Variants in TRAF3IP1 observed in about 807,000 individuals in gnomAD.
TRAF3IP1 encodes intraflagellar transport 54.
In TRAF3IP1, 53 loss-of-function variants were observed where a neutral mutation model predicts 89.9. The ratio of observed to expected loss-of-function variants is 0.59; its 90% CI spans 0.47 to 0.74. TRAF3IP1 has a LOEUF of 0.74. Among genes scored for constraint, TRAF3IP1 ranks in the 30% least tolerant of loss-of-function variants. TRAF3IP1 has a pLI of 0.00. For synonymous variants in TRAF3IP1, 311 were observed against 322.1 expected (o/e 0.97, Z 0.37); for missense variants, 806 against 866.1 (o/e 0.93, Z 0.87).
At chr2:238,331,736 C>T (rs1414826719) in intron 5 of TRAF3IP1, among the ~76,000 whole-genome samples, 1 of 152,150 alleles carries the variant, frequency 6.6e-6, no homozygotes, top group Non-Finnish European at 1.5e-5. Context: ...TGCGTCCTTT[C>T]CTCTGGTAAA....
At chr2:238,344,453 T>C (rs1325883073) in intron 8 of TRAF3IP1, 44 bp from the exon 9 acceptor site, 2 of 1,491,308 alleles carry the variant, frequency 1.3e-6, no homozygotes, top group South Asian at 2.3e-5. Context: ...ACCGGCCCTT[T>C]GGTGTACAGT....
chr2:238,322,632 G>A (rs1697607087), intron 1 of TRAF3IP1, among the ~76,000 whole-genome samples: 1 of 141,806 alleles, frequency 7.1e-6, no homozygotes, highest in African/African-American at 2.6e-5. Context: ...AGGATGCAGT[G>A]AGCTGTGATT....
intron 15 of TRAF3IP1, among the ~76,000 whole-genome samples, chr2:238,380,745 T>C (rs75030985): frequency 1.8e-3 from 267 of 152,340 alleles, no homozygotes; most frequent in African/African-American, 6.2e-3. Context: ...CACACCTTTT[T>C]GTCTTTGAAC....
chr2:238,358,478 G>A (rs2106334411), intron 15 of TRAF3IP1, among the ~76,000 whole-genome samples: 1 of 152,324 alleles, frequency 6.6e-6, no homozygotes, highest in South Asian at 2.1e-4. Context: ...AGAGGTTGCA[G>A]TGAGCTGTGA....
chr2:238,387,027 A>T (rs927182570), intron 15 of TRAF3IP1, among the ~76,000 whole-genome samples: 1 of 152,250 alleles, frequency 6.6e-6, no homozygotes, highest in African/African-American at 2.4e-5. Context: ...AGCACTTACC[A>T]TGACTAAGGA....
intron 9 of TRAF3IP1, chr2:238,347,111 T>C: frequency 3.9e-6 from 1 of 254,170 alleles, no homozygotes. Flanking sequence ...CATCGTTCCC[T>C]CACATTTGGA....
chr2:238,397,410 C>G, intron 15 of TRAF3IP1, 49 bp from the exon 16 acceptor site: 1 of 1,575,854 alleles, frequency 6.3e-7, no homozygotes, highest in Non-Finnish European at 8.7e-7. Flanking sequence ...CCTGTTCTGC[C>G]TTTGGACTGA....
At chr2:238,360,848 C>G (rs920859738) in intron 15 of TRAF3IP1, among the ~76,000 whole-genome samples, 57 of 151,820 alleles carry the variant, frequency 3.8e-4, no homozygotes, top group African/African-American at 1.3e-3. Context: ...CCACTGCACT[C>G]CAGCCTGGGG....
intron 15 of TRAF3IP1, among the ~76,000 whole-genome samples, chr2:238,395,623 A>G (rs971517120): frequency 5.3e-5 from 8 of 152,220 alleles, no homozygotes. Context: ...AAATTTTCGC[A>G]ACCTTCTCAT....
chr2:238,339,570 T>G (rs757081315), intron 8 of TRAF3IP1, among the ~76,000 whole-genome samples: 1 of 152,218 alleles, frequency 6.6e-6, no homozygotes, highest in Non-Finnish European at 1.5e-5. Flanking sequence ...TAGGACCTCA[T>G]CTCTGAGGCC....
At chr2:238,341,439 G>GAA (rs1347772470) in intron 8 of TRAF3IP1, among the ~76,000 whole-genome samples, 7 of 151,626 alleles carry the variant, frequency 4.6e-5, no homozygotes, top group African/African-American at 1.7e-4. Context: ...TACATAGCCA[G>GAA]AAAAGTATTG....
intron 3 of TRAF3IP1, among the ~76,000 whole-genome samples, chr2:238,327,255 A>G (rs1697885401): frequency 6.6e-6 from 1 of 152,218 alleles, no homozygotes; most frequent in East Asian, 1.9e-4. Context: ...CCCAGCAACA[A>G]TGTGGCGTCT....
chr2:238,390,945 CCTTTT>C (rs1700969236), intron 15 of TRAF3IP1, among the ~76,000 whole-genome samples: 1 of 152,052 alleles, frequency 6.6e-6, no homozygotes, highest in Non-Finnish European at 1.5e-5. Flanking sequence ...GATTTCCTTT[CCTTTT>C]CTTTTCTTTT....
At chr2:238,373,387 G>A (rs887982899) in intron 15 of TRAF3IP1, among the ~76,000 whole-genome samples, 1 of 152,138 alleles carries the variant, frequency 6.6e-6, no homozygotes, top group Non-Finnish European at 1.5e-5. Context: ...TATTAAATAG[G>A]GAATCCTTTC....
intron 16 of TRAF3IP1, among the ~76,000 whole-genome samples, 176 bp from the exon 17 acceptor site, chr2:238,398,578 T>G (rs1471734140): frequency 6.6e-6 from 1 of 152,084 alleles, no homozygotes; most frequent in Non-Finnish European, 1.5e-5. Context: ...TTTATAAATC[T>G]CATGTTTGAC....
intron 12 of TRAF3IP1, among the ~76,000 whole-genome samples, chr2:238,349,622 A>G (rs1410248856): frequency 1.3e-5 from 2 of 152,232 alleles, no homozygotes; most frequent in Non-Finnish European, 2.9e-5. Flanking sequence ...TGTAAAATAC[A>G]TCTTCACATC....
chr2:238,381,629 ACCCTGATGGGCCACTGCCCTGCACTTGT>A (rs1310632883), intron 15 of TRAF3IP1, among the ~76,000 whole-genome samples: 6 of 152,194 alleles, frequency 3.9e-5, no homozygotes, highest in African/African-American at 1.4e-4. Flanking sequence ...TGTAGACACC[ACCCTGATGGGCCACTGCCCTGCACTTGT>A]CCCTGATGGG....
At chr2:238,341,549 A>ATTTT (rs1559364586) in intron 8 of TRAF3IP1, among the ~76,000 whole-genome samples, 233 of 112,976 alleles carry the variant, frequency 2.1e-3, no homozygotes, top group African/African-American at 9.3e-3. Flanking sequence ...TTTTTTTTAA[A>ATTTT]AAAAAAACAC....
intron 15 of TRAF3IP1, among the ~76,000 whole-genome samples, chr2:238,391,089 G>A (rs1700975630): frequency 4.6e-5 from 7 of 152,118 alleles, no homozygotes; most frequent in Admixed American, 4.6e-4. Flanking sequence ...TGAGGAGCTG[G>A]GACTACAGGT....
Sources: gnomAD v4.1 joint callset for allele counts (sites outside exome capture counted in the v4.1 genomes callset) on GRCh38, gnomAD v4.1.1 for gene constraint, MANE v1.5 for transcripts, NCBI Gene and HGNC (gene_info 2026-07-23, HGNC 2026-07-21) for gene names.